TBX15: variants seen among roughly 807,000 people sequenced by gnomAD.
TBX15 encodes T-box transcription factor TBX15.
Under a neutral mutation model 53.9 loss-of-function variants are expected in TBX15, and 18 were observed. That is an observed-to-expected ratio of 0.33 (90% confidence interval 0.23 to 0.49). TBX15 has a LOEUF of 0.49. TBX15 is among the 20% of genes least tolerant of loss of function. The probability of loss-of-function intolerance (pLI) is 0.98; values close to 1 mark genes in which losing one functional copy is unlikely to be tolerated. For missense variants in TBX15, 692 were observed against 749.5 expected (o/e 0.92, Z 0.90); for synonymous variants, 295 against 278.0 (o/e 1.06, Z -0.61).
chr1:118,937,045 C>T (rs149828951), intron 1 of TBX15, among the ~76,000 whole-genome samples: 283 of 152,184 alleles, frequency 1.9e-3, no homozygotes, highest in African/African-American at 6.2e-3. Flanking sequence ...TGTTGAGGAG[C>T]TTTGAAGTGG....
intron 2 of TBX15, among the ~76,000 whole-genome samples, chr1:118,928,356 C>A (rs958903865): frequency 1.3e-5 from 2 of 152,160 alleles, no homozygotes; most frequent in African/African-American, 4.8e-5. Flanking sequence ...TCTCCCCCTA[C>A]CTCACAATTT....
At chr1:118,945,453 A>G (rs1656318344) in intron 1 of TBX15, among the ~76,000 whole-genome samples, 1 of 152,200 alleles carries the variant, frequency 6.6e-6, no homozygotes, top group African/African-American at 2.4e-5. Context: ...GGGTTACTGC[A>G]CACAGAGCAG....
chr1:118,970,994 C>T (rs1419544358), intron 1 of TBX15, among the ~76,000 whole-genome samples: 1 of 152,190 alleles, frequency 6.6e-6, no homozygotes, highest in Non-Finnish European at 1.5e-5. Flanking sequence ...CACTTAGAAA[C>T]TTTTTTGCAC....
At chr1:118,903,220 C>G (rs1176406959) in intron 6 of TBX15, among the ~76,000 whole-genome samples, 1 of 152,116 alleles carries the variant, frequency 6.6e-6, no homozygotes, top group Non-Finnish European at 1.5e-5. Flanking sequence ...GCCAAACCAA[C>G]AGAATGTGCT....
chr1:118,914,781 G>A (rs11582744), intron 5 of TBX15, among the ~76,000 whole-genome samples: 45,611 of 152,070 alleles, frequency 0.3, 7,178 homozygotes, highest in Non-Finnish European at 0.33. Context: ...ACTTTTGCCA[G>A]GGTCTTACCC....
chr1:118,939,506 T>C (rs1050970377), intron 1 of TBX15, among the ~76,000 whole-genome samples: 21 of 140,244 alleles, frequency 1.5e-4, no homozygotes, highest in Middle Eastern at 4.3e-3. Context: ...TTAGCACACA[T>C]GGACATAAAT....
At chr1:118,956,420 A>AT (rs1244396747) in intron 1 of TBX15, among the ~76,000 whole-genome samples, 1 of 152,212 alleles carries the variant, frequency 6.6e-6, no homozygotes, top group African/African-American at 2.4e-5. Flanking sequence ...ATAAATGTTT[A>AT]TACAAAAACA....
At chr1:118,906,358 A>C (rs1311035219) in intron 6 of TBX15, among the ~76,000 whole-genome samples, 1 of 152,146 alleles carries the variant, frequency 6.6e-6, no homozygotes, top group Non-Finnish European at 1.5e-5. Flanking sequence ...ACCCCCAATG[A>C]CAAGTTGTTT....
chr1:118,894,230 G>A (rs988980580), intron 7 of TBX15, among the ~76,000 whole-genome samples: 3 of 152,174 alleles, frequency 2.0e-5, no homozygotes, highest in Non-Finnish European at 4.4e-5. Flanking sequence ...TGAAGCTAGA[G>A]TAGTAATAAT....
chr1:118,904,999 A>G (rs982165325), intron 6 of TBX15, among the ~76,000 whole-genome samples: 3 of 152,232 alleles, frequency 2.0e-5, no homozygotes, highest in Non-Finnish European at 4.4e-5. Context: ...ATGCAGACTG[A>G]TTAAAGACAA....
intron 7 of TBX15, among the ~76,000 whole-genome samples, 197 bp from the exon 8 acceptor site, chr1:118,885,713 TCACACACA>T (rs140071874): frequency 1.3e-5 from 2 of 149,462 alleles, no homozygotes; most frequent in Admixed American, 6.7e-5. Context: ...ATACAGTCTC[TCACACACA>T]CACACACACA....
chr1:118,902,246 C>T (rs183040398), intron 6 of TBX15, among the ~76,000 whole-genome samples: 4 of 152,200 alleles, frequency 2.6e-5, no homozygotes, highest in East Asian at 3.9e-4. Context: ...TATTTGTCCT[C>T]AACCCTATTA....
intron 1 of TBX15, among the ~76,000 whole-genome samples, chr1:118,971,529 C>T (rs1469132995): frequency 6.6e-6 from 1 of 152,292 alleles, no homozygotes. Context: ...CAGGGTTTTG[C>T]AGTCTAGTTG....
At chr1:118,939,132 C>A (rs1408555767) in intron 1 of TBX15, among the ~76,000 whole-genome samples, 1 of 152,040 alleles carries the variant, frequency 6.6e-6, no homozygotes, top group East Asian at 1.9e-4. Flanking sequence ...GCAGGCCAGG[C>A]CTAATGGCTC....
chr1:118,946,477 T>C (rs1252187426), intron 1 of TBX15, among the ~76,000 whole-genome samples: 2 of 152,176 alleles, frequency 1.3e-5, no homozygotes, highest in Non-Finnish European at 2.9e-5. Context: ...ACTGGTTTGA[T>C]AGGTTTTCTT....
At chr1:118,979,772 G>A (rs1212859620) in intron 1 of TBX15, among the ~76,000 whole-genome samples, 2 of 151,814 alleles carry the variant, frequency 1.3e-5, no homozygotes, top group East Asian at 1.9e-4. Flanking sequence ...CCGGGTCCCG[G>A]GTTTCCAGGG....
At chr1:118,989,469 G>T (rs1657964716), upstream of TBX15, 2 of 152,138 alleles carry the variant, frequency 1.3e-5, no homozygotes. Flanking sequence ...CTCGGATTTC[G>T]CGGACAGCGG....
At chr1:118,962,249 C>A (rs1035013130) in intron 1 of TBX15, among the ~76,000 whole-genome samples, 7 of 152,168 alleles carry the variant, frequency 4.6e-5, no homozygotes, top group Admixed American at 1.3e-4. Flanking sequence ...CAATTTGTTC[C>A]AATATCAGAT....
At chr1:118,915,251 T>C (rs1481382806) in intron 5 of TBX15, among the ~76,000 whole-genome samples, 2 of 152,244 alleles carry the variant, frequency 1.3e-5, no homozygotes, top group Non-Finnish European at 2.9e-5. Flanking sequence ...TCTCATTATT[T>C]AAGACCATCT....
Sources: gnomAD v4.1 joint callset for allele counts (sites outside exome capture counted in the v4.1 genomes callset) on GRCh38, gnomAD v4.1.1 for gene constraint, MANE v1.5 for transcripts, NCBI Gene and HGNC (gene_info 2026-07-23, HGNC 2026-07-21) for gene names.